SLC1A1: variants seen among roughly 807,000 people sequenced by gnomAD.
SLC1A1 encodes the protein excitatory amino acid transporter 3.
Under a neutral mutation model 53.3 loss-of-function variants are expected in SLC1A1, and 43 were observed. The observed-to-expected ratio is 0.81, with a 90% confidence interval of 0.63 to 1.04. SLC1A1 has a LOEUF of 1.04. SLC1A1 is among the 50% of genes least tolerant of loss of function. SLC1A1 has a pLI of 0.00. For synonymous variants in SLC1A1, 307 were observed against 243.2 expected (o/e 1.26, Z -2.44); for missense variants, 748 against 664.9 (o/e 1.12, Z -1.37).
rs527659268 is a variant in SLC1A1, at chr9:4,503,377, C to T, written c.91+12607C>T. Among the ~76,000 whole-genome samples, 17 of 151,980 alleles carry T rather than the reference C, an allele frequency of 1.1e-4. No individual in the cohort carries two copies. The South Asian group carries it at 3.5e-3, about 31-fold the overall frequency. On this transcript the variant is annotated intron_variant, in intron 1 of 11. Coordinates refer to ENST00000262352, the MANE Select transcript of SLC1A1 (RefSeq NM_004170.6). Reference sequence around the variant, plus strand: ...TTAAATTGAGCAAGTACTGATGTTACTGATAAGAGAAGCAGAGTCAAAGTC... The same window carrying T: ...TTAAATTGAGCAAGTACTGATGTTATTGATAAGAGAAGCAGAGTCAAAGTC...
intron 1 of SLC1A1, among the ~76,000 whole-genome samples, chr9:4,529,807 C>G (rs1816400035): frequency 6.6e-6 from 1 of 152,130 alleles, no homozygotes; most frequent in Non-Finnish European, 1.5e-5. Flanking sequence ...GTGTGAGCCA[C>G]CATACCTGGA....
chr9:4,581,721 T>C (rs2129863174), intron 10 of SLC1A1, among the ~76,000 whole-genome samples: 1 of 152,338 alleles, frequency 6.6e-6, no homozygotes, highest in East Asian at 1.9e-4. Flanking sequence ...GCCAGAAACC[T>C]TTGAGACTGA....
chr9:4,526,947 G>T (rs943391417), intron 1 of SLC1A1, among the ~76,000 whole-genome samples: 1 of 152,074 alleles, frequency 6.6e-6, no homozygotes, highest in African/African-American at 2.4e-5. Context: ...AGAGACTTTT[G>T]CAAATGTAAT....
intron 1 of SLC1A1, among the ~76,000 whole-genome samples, chr9:4,543,508 C>T (rs537595402): frequency 6.6e-6 from 1 of 152,236 alleles, no homozygotes; most frequent in Non-Finnish European, 1.5e-5. Context: ...ATTGTGTTAT[C>T]CATACAACTG....
chr9:4,555,814 A>G (rs1289857077), intron 2 of SLC1A1, among the ~76,000 whole-genome samples: 1 of 152,204 alleles, frequency 6.6e-6, no homozygotes, highest in Non-Finnish European at 1.5e-5. Flanking sequence ...CTGAAAGCCC[A>G]CAGTAACTGG....
chr9:4,522,807 G>A (rs1205866084), intron 1 of SLC1A1, among the ~76,000 whole-genome samples: 1 of 152,080 alleles, frequency 6.6e-6, no homozygotes, highest in Non-Finnish European at 1.5e-5. Flanking sequence ...ACATGTGGGA[G>A]ACCCCCACCT....
chr9:4,500,966 G>C (rs577658881), intron 1 of SLC1A1, among the ~76,000 whole-genome samples: 3 of 152,208 alleles, frequency 2.0e-5, no homozygotes, highest in South Asian at 2.1e-4. Context: ...CCAAGACAGG[G>C]AGGGATACAG....
chr9:4,554,326 C>G (rs1818183771), intron 2 of SLC1A1: 1 of 152,236 alleles, frequency 6.6e-6, no homozygotes, highest in Non-Finnish European at 1.5e-5. Flanking sequence ...ATGTGCTGGG[C>G]ACTGAGTATA....
chr9:4,563,134 A>AAG (rs1330715637), intron 3 of SLC1A1, among the ~76,000 whole-genome samples: 1 of 134,760 alleles, frequency 7.4e-6, no homozygotes. Context: ...AAGAAAAAAA[A>AAG]AGAGAGAGAG....
At chr9:4,494,115 T>C (rs774198030) in intron 1 of SLC1A1, among the ~76,000 whole-genome samples, 87 of 150,372 alleles carry the variant, frequency 5.8e-4, no homozygotes, top group Non-Finnish European at 1.0e-3. Context: ...AGAAACACTT[T>C]CACGGCTTTC....
intron 1 of SLC1A1, among the ~76,000 whole-genome samples, chr9:4,520,350 G>T (rs1816024091): frequency 6.6e-6 from 1 of 152,062 alleles, no homozygotes; most frequent in South Asian, 2.1e-4. Context: ...TCATGAAAAA[G>T]CCATCAAATT....
At chr9:4,526,269 G>C (rs192259726) in intron 1 of SLC1A1, among the ~76,000 whole-genome samples, 1 of 152,238 alleles carries the variant, frequency 6.6e-6, no homozygotes, top group East Asian at 1.9e-4. Flanking sequence ...TAGACATATA[G>C]AAAACAAAAT....
At chr9:4,530,452 G>A (rs1174216185) in intron 1 of SLC1A1, among the ~76,000 whole-genome samples, 1 of 152,200 alleles carries the variant, frequency 6.6e-6, no homozygotes, top group Non-Finnish European at 1.5e-5. Flanking sequence ...TGGGCGCAGA[G>A]ATGCTGGTTT....
intron 1 of SLC1A1, among the ~76,000 whole-genome samples, chr9:4,537,936 A>C (rs12380549): frequency 0.16 from 23,914 of 152,140 alleles, 2,385 homozygotes; most frequent in African/African-American, 0.28. Context: ...GATCTCAAAA[A>C]AAATTTACAA....
chr9:4,501,517 A>T lies in SLC1A1; in HGVS notation c.91+10747A>T, dbSNP rs548960358. On this transcript the variant is annotated intron_variant, in intron 1 of 11. Coordinates refer to ENST00000262352, the MANE Select transcript of SLC1A1 (RefSeq NM_004170.6). ...ACGGTGCTCACGCCTGTAATCCCAG[A>T]ACTTTGGGAGGCCGAGGTGGGCAGA... 3.3e-5 allele frequency among the ~76,000 whole-genome samples: 5 copies of T among 151,678 alleles called. No individual in the cohort carries two copies. In the East Asian group the frequency reaches 9.7e-4, roughly 29 times the overall value.
intron 1 of SLC1A1, among the ~76,000 whole-genome samples, chr9:4,522,138 G>A (rs575435186): frequency 6.9e-6 from 1 of 143,972 alleles, no homozygotes; most frequent in South Asian, 2.2e-4. Context: ...TGCAAGCTCT[G>A]CCTCCTGGGT....
Position 4,573,921 on chromosome 9 carries a change from G to C in SLC1A1, c.782G>C (p.Gly261Ala). The stretch of plus-strand genomic sequence containing the variant: ...TTCCTTTCCAGTTATATGCCACTAG[G>C]TATTTTGTTCCTGATTGCTGGGAAG... The part of the protein sequence containing the change: ...VQIIMCYMPL[G>A]ILFLIAGKII... Residue 261 changes from glycine to alanine, a missense_variant, in exon 8 of 12, where the codon GGT (glycine) becomes GCT (alanine). Physicochemically the swap from Gly to Ala is moderately conservative, Grantham distance 60. Coordinates refer to ENST00000262352, the MANE Select transcript of SLC1A1 (RefSeq NM_004170.6). 1 of 1,610,800 alleles carries C rather than the reference G, an allele frequency of 6.2e-7. No homozygotes were observed. Among genetic ancestry groups the C allele is most frequent in the Middle Eastern group, 1.7e-4 (1 of 6,050 alleles).
At chr9:4,540,588 A>G (rs10974610) in intron 1 of SLC1A1, among the ~76,000 whole-genome samples, 20,814 of 152,062 alleles carry the variant, frequency 0.14, 1,688 homozygotes, top group African/African-American at 0.21. Flanking sequence ...CACGGAGTTC[A>G]CTCCAGCTGA....
At chr9:4,509,289 G>A (rs912878650) in intron 1 of SLC1A1, among the ~76,000 whole-genome samples, 2 of 152,154 alleles carry the variant, frequency 1.3e-5, no homozygotes, top group Non-Finnish European at 2.9e-5. Flanking sequence ...ATTGGTTAGG[G>A]ACCTGGCAGG....
Sources: allele counts gnomAD v4.1 joint callset (sites outside exome capture counted in the v4.1 genomes callset), GRCh38; gene constraint gnomAD v4.1.1; transcripts MANE v1.5; gene names NCBI Gene and HGNC (gene_info 2026-07-23, HGNC 2026-07-21).